Variants in FAM169A observed in about 807,000 individuals in gnomAD.
FAM169A encodes the protein soluble lamin-associated protein of 75 kDa.
A neutral mutation model predicts 75.7 loss-of-function variants in FAM169A; 24 were observed. The ratio of observed to expected loss-of-function variants is 0.32; its 90% confidence interval spans 0.23 to 0.45. The LOEUF (loss-of-function observed/expected upper bound fraction) is 0.45. FAM169A is among the 20% of genes least tolerant of loss of function. FAM169A has a pLI of 1.00. For missense variants in FAM169A, 673 were observed against 784.0 expected (o/e 0.86, Z 1.69); for synonymous variants, 271 against 271.0 (o/e 1.00, Z 0.00).
intron 1 of FAM169A, among the ~76,000 whole-genome samples, chr5:74,854,063 T>G (rs965009230): frequency 6.6e-6 from 1 of 152,058 alleles, no homozygotes; most frequent in Non-Finnish European, 1.5e-5. Context: ...GATATTTCAA[T>G]CCAGGAAACA....
chr5:74,835,863 C>T (rs1167675322), intron 4 of FAM169A, among the ~76,000 whole-genome samples: 1 of 152,182 alleles, frequency 6.6e-6, no homozygotes, highest in African/African-American at 2.4e-5. Flanking sequence ...TTATTCAGAG[C>T]TGAAATCTAT....
intron 5 of FAM169A, among the ~76,000 whole-genome samples, chr5:74,825,638 GA>G (rs1251567057): frequency 6.6e-6 from 1 of 152,114 alleles, no homozygotes; most frequent in Non-Finnish European, 1.5e-5. Flanking sequence ...TGACAGTCTA[GA>G]AATTTCCTTC....
At chr5:74,849,951 C>T (rs544797936) in intron 1 of FAM169A, among the ~76,000 whole-genome samples, 25 of 152,226 alleles carry the variant, frequency 1.6e-4, no homozygotes, top group Admixed American at 1.3e-3. Context: ...GTTAGGACGG[C>T]CTATAAATTA....
intron 10 of FAM169A, chr5:74,799,877 C>T (rs1011066531): frequency 1.0e-6 from 1 of 1,002,868 alleles, no homozygotes; most frequent in African/African-American, 1.6e-5. Context: ...GCATCCAACG[C>T]AACATGTCTG....
intron 1 of FAM169A, among the ~76,000 whole-genome samples, chr5:74,861,489 C>G (rs73120654): frequency 0.024 from 3,649 of 152,128 alleles, 146 homozygotes; most frequent in African/African-American, 0.084. Flanking sequence ...TTTGGGAGAC[C>G]AAGACAGGCA....
At chr5:74,782,899 C>A in intron 12 of FAM169A, 32 bp downstream of exon 12, 1 of 1,554,504 alleles carries the variant, frequency 6.4e-7, no homozygotes, top group South Asian at 1.1e-5. Flanking sequence ...CATTGGTAAA[C>A]TTTATTAAAA....
intron 1 of FAM169A, among the ~76,000 whole-genome samples, chr5:74,851,723 A>T (rs1258371752): frequency 6.6e-6 from 1 of 152,194 alleles, no homozygotes; most frequent in African/African-American, 2.4e-5. Context: ...CAGACTACTA[A>T]ATACTCTTTA....
intron 1 of FAM169A, among the ~76,000 whole-genome samples, chr5:74,844,730 T>C (rs1270664704): frequency 2.0e-5 from 3 of 152,062 alleles, no homozygotes; most frequent in Non-Finnish European, 4.4e-5. Context: ...GGCAGGAGAA[T>C]TGCTTGAACC....
At chr5:74,845,120 T>C (rs892837668) in intron 1 of FAM169A, among the ~76,000 whole-genome samples, 1 of 152,192 alleles carries the variant, frequency 6.6e-6, no homozygotes, top group Non-Finnish European at 1.5e-5. Context: ...ACATACGCTG[T>C]AACAGTTAAT....
chr5:74,791,769 A>G (rs1032672893), intron 11 of FAM169A, among the ~76,000 whole-genome samples: 2 of 152,018 alleles, frequency 1.3e-5, no homozygotes, highest in Admixed American at 6.6e-5. Flanking sequence ...GGTTTGGGTT[A>G]CTCCACTAGG....
intron 5 of FAM169A, among the ~76,000 whole-genome samples, chr5:74,818,373 T>A (rs1352386987): frequency 6.6e-6 from 1 of 151,968 alleles, no homozygotes; most frequent in Non-Finnish European, 1.5e-5. Context: ...GTAAAGGAAA[T>A]GGGAAGTGAT....
intron 7 of FAM169A, 40 bp from the exon 8 acceptor site, chr5:74,804,645 T>TG: frequency 8.5e-7 from 1 of 1,182,970 alleles, no homozygotes; most frequent in Non-Finnish European, 1.2e-6. Flanking sequence ...ACCGAATCAG[T>TG]ATTTGGTTTT....
intron 11 of FAM169A, among the ~76,000 whole-genome samples, chr5:74,792,112 A>G (rs974461313): frequency 6.6e-6 from 1 of 152,154 alleles, no homozygotes; most frequent in African/African-American, 2.4e-5. Flanking sequence ...TATGTTAGGC[A>G]TAATTATTAC....
intron 3 of FAM169A, among the ~76,000 whole-genome samples, chr5:74,839,619 G>A (rs1748754227): frequency 6.6e-6 from 1 of 151,442 alleles, no homozygotes; most frequent in African/African-American, 2.4e-5. Context: ...CCACCTCCTG[G>A]GTTCAAGCGA....
At chr5:74,859,268 C>CA (rs758158983) in intron 1 of FAM169A, among the ~76,000 whole-genome samples, 1 of 147,600 alleles carries the variant, frequency 6.8e-6, no homozygotes, top group African/African-American at 2.5e-5. Context: ...CACAAACTAA[C>CA]AAAAAATGAA....
At chr5:74,822,373 C>A (rs1445789135) in intron 5 of FAM169A, among the ~76,000 whole-genome samples, 3 of 152,210 alleles carry the variant, frequency 2.0e-5, no homozygotes, top group Admixed American at 6.5e-5. Flanking sequence ...AAAATAGAAT[C>A]CCTGACTGGG....
chr5:74,844,738 A>AC (rs1749062174), intron 1 of FAM169A, among the ~76,000 whole-genome samples: 1 of 152,018 alleles, frequency 6.6e-6, no homozygotes, highest in Admixed American at 6.6e-5. Context: ...AATTGCTTGA[A>AC]CCCGGGAGGT....
intron 6 of FAM169A, among the ~76,000 whole-genome samples, chr5:74,807,539 C>T (rs1435861988): frequency 6.6e-5 from 10 of 152,186 alleles, no homozygotes; most frequent in South Asian, 6.2e-4. Flanking sequence ...AAATCAAAAG[C>T]CAAACCATCA....
At chr5:74,787,333 G>A (rs552988669) in intron 11 of FAM169A, among the ~76,000 whole-genome samples, 1 of 152,112 alleles carries the variant, frequency 6.6e-6, no homozygotes, top group Non-Finnish European at 1.5e-5. Context: ...CTGAAATACG[G>A]ATTAAAAGAT....
Sources: allele counts gnomAD v4.1 joint callset (sites outside exome capture counted in the v4.1 genomes callset), GRCh38; gene constraint gnomAD v4.1.1; transcripts MANE v1.5; gene names NCBI Gene and HGNC (gene_info 2026-07-23, HGNC 2026-07-21).